TUBE1: variants seen among roughly 807,000 people sequenced by gnomAD.
TUBE1 encodes the protein tubulin epsilon chain.
TUBE1 carries 34 observed loss-of-function variants against 53.5 expected under a neutral mutation model. The observed-to-expected ratio is 0.64, with a 90% CI of 0.48 to 0.85. The LOEUF is 0.85. Ranked by LOEUF, TUBE1 falls within the 40% of genes least tolerant of loss-of-function variation. The probability of loss-of-function intolerance (pLI) is 0.00; values close to 1 mark genes in which losing one functional copy is unlikely to be tolerated. For synonymous variants in TUBE1, 177 were observed against 198.4 expected (o/e 0.89, Z 0.91); for missense variants, 532 against 570.5 (o/e 0.93, Z 0.69).
chr6:112,071,684 G>C (rs1210522175), intron 11 of TUBE1, 114 bp from the exon 12 acceptor site: 3 of 1,022,390 alleles, frequency 2.9e-6, no homozygotes, highest in African/African-American at 3.2e-5. Flanking sequence ...CTCTACATTT[G>C]AAAGAGAACT....
intron 4 of TUBE1, among the ~76,000 whole-genome samples, chr6:112,082,583 C>T (rs911522591): frequency 2.0e-5 from 3 of 152,180 alleles, no homozygotes; most frequent in Admixed American, 2.0e-4. Flanking sequence ...TCATCACTGT[C>T]CTAGTCACTT....
In TUBE1 at chr6:112,071,952, G is replaced by T. The variant is rs140683532; in HGVS notation, c.1219C>A (p.Pro407Thr). The change falls in exon 11 of 12, where the codon CCC (proline) becomes ACC (threonine). Residue 407 changes from proline to threonine, a missense_variant. Transcript: ENST00000368662. ...CTCTCTTTCAGTTCCATGAAGGTGG[G>T]CTTCACACATGTGTTATTTGCTAAA... ...LALANNTCVK[P>T]TFMELKERFM... is the part of the protein sequence containing the mutation. 7 of 1,611,342 alleles carry T rather than the reference G, an allele frequency of 4.3e-6. No homozygotes were observed. The highest frequency in any genetic ancestry group is 5.9e-6 in the Non-Finnish European group (7 of 1,179,242).
chr6:112,080,745 G>GT (rs2114488303), intron 5 of TUBE1, among the ~76,000 whole-genome samples: 2 of 152,110 alleles, frequency 1.3e-5, no homozygotes, highest in Non-Finnish European at 2.9e-5. Context: ...TCTACCAATT[G>GT]TATTACATCT....
At chr6:112,084,303 T>A (rs587741853) in intron 3 of TUBE1, 57 bp from the exon 4 acceptor site, 1 of 1,402,096 alleles carries the variant, frequency 7.1e-7, no homozygotes, top group Non-Finnish European at 1.0e-6. Flanking sequence ...AATAGCACTA[T>A]CAGGTGATAA....
At chr6:112,087,340 G>C (rs782631522) in intron 1 of TUBE1, 34 bp from the exon 2 acceptor site, 1 of 1,551,564 alleles carries the variant, frequency 6.4e-7, no homozygotes, top group African/African-American at 1.4e-5. Context: ...AAGAGAATAG[G>C]ACATTAAGCA....
intron 6 of TUBE1, chr6:112,079,325 T>C (rs587761257): frequency 5.0e-6 from 1 of 199,452 alleles, no homozygotes; most frequent in South Asian, 1.7e-4. Flanking sequence ...AGCTCATACA[T>C]CCTGAAAAGT....
At chr6:112,083,578 A>G (rs1554317028) in intron 4 of TUBE1, among the ~76,000 whole-genome samples, 3 of 152,106 alleles carry the variant, frequency 2.0e-5, no homozygotes, top group African/African-American at 7.2e-5. Context: ...TCGGCCTCCC[A>G]AAGTGCTGGG....
intron 9 of TUBE1, 110 bp downstream of exon 9, chr6:112,074,600 G>T: frequency 1.3e-6 from 1 of 741,174 alleles, no homozygotes; most frequent in Non-Finnish European, 1.9e-6. Context: ...AACTCTCACA[G>T]ATAAGATGAT....
rs782167529 is a variant in TUBE1 at position 112,072,904 on chromosome 6, A to G, written c.954-6T>C. The G allele has an allele frequency of 1.9e-6, 3 of 1,612,124 alleles. No individual in the cohort carries two copies. The highest frequency in any genetic ancestry group is 8.5e-7 in the Non-Finnish European group (1 of 1,179,110). On this transcript the variant is annotated splice_polypyrimidine_tract_variant and splice_region_variant and intron_variant, in intron 9 of 11. Coordinates refer to ENST00000368662, the MANE Select transcript of TUBE1 (RefSeq NM_016262.5). The stretch of plus-strand genomic sequence containing the variant: ...CTGAAAACATCTGATCCAATCTGCA[A>G]CAATGAAATTGTCATTGTTTATACA...
At chr6:112,082,104 C>T (rs1350919822) in intron 4 of TUBE1, among the ~76,000 whole-genome samples, 1 of 152,086 alleles carries the variant, frequency 6.6e-6, no homozygotes, top group Non-Finnish European at 1.5e-5. Context: ...TGAGTTTAAT[C>T]ATGTGTGTAA....
At chr6:112,072,921 G>T in intron 9 of TUBE1, 23 bp from the exon 10 acceptor site, 2 of 1,609,340 alleles carry the variant, frequency 1.2e-6, no homozygotes, top group Non-Finnish European at 1.7e-6. Flanking sequence ...AATTGTCATT[G>T]TTTATACAAA....
chr6:112,081,282 T>G (rs1056963187), intron 4 of TUBE1, 75 bp from the exon 5 acceptor site: 2 of 750,044 alleles, frequency 2.7e-6, no homozygotes, highest in East Asian at 5.5e-5. Flanking sequence ...AAAGAATTTA[T>G]GCGCTGAATA....
Position 112,076,726 on chromosome 6 carries a change from C to T in TUBE1, c.449-217G>A, listed in dbSNP as rs897739420. The T allele has an allele frequency of 7.4e-5, 27 of 362,872 alleles. 1 individual carries two copies. The highest frequency in any genetic ancestry group is 2.0e-4 in the South Asian group (3 of 14,902). 22.5% of individuals were successfully genotyped at this position (362,872 alleles called of 1,614,324 possible). On this transcript the variant is annotated intron_variant, in intron 6 of 11. Transcript: ENST00000368662. ...CTGGGACCGCAGGCATGAGCCACCA[C>T]GCCTGGCTAACTTTTTAATTTGTGT...
chr6:112,087,039 C>T (rs1469029040), intron 2 of TUBE1, 194 bp downstream of exon 2: 3 of 594,678 alleles, frequency 5.0e-6, no homozygotes, highest in Non-Finnish European at 8.9e-6. Flanking sequence ...AACGTTAAGA[C>T]TAAGGTCGCT....
intron 3 of TUBE1, 143 bp downstream of exon 3, chr6:112,086,413 C>G: frequency 2.0e-6 from 1 of 499,256 alleles, no homozygotes; most frequent in Non-Finnish European, 3.5e-6. Context: ...TATTAATAAT[C>G]TAATAGAATA....
intron 7 of TUBE1, 96 bp from the exon 8 acceptor site, chr6:112,076,208 T>C (rs1776965246): frequency 6.8e-7 from 1 of 1,478,122 alleles, no homozygotes. Flanking sequence ...TTTAAACTGA[T>C]TTTTTCTCTA....
At position 112,084,205 on chromosome 6, in the gene TUBE1, C is replaced by T; in HGVS notation, c.194G>A (p.Cys65Tyr). The change falls in exon 4 of 12, where the codon TGT (cysteine) becomes TAT (tyrosine). Residue 65 changes from cysteine (C) to tyrosine (Y), a missense_variant. Coordinates refer to ENST00000368662, the MANE Select transcript of TUBE1 (RefSeq NM_016262.5). Reference protein sequence around the residue: ...DGGSISKGKICSLKARAVLID... With the variant: ...DGGSISKGKIYSLKARAVLID... ...GTATCTTACTCGTGCTTTTAAAGAA[C>T]ATATTTTTCCCTTGGAAATACTTCC... The T allele has an allele frequency of 6.2e-7, 1 of 1,612,456 alleles. No homozygotes were observed. The highest frequency in any genetic ancestry group is 8.5e-7 in the Non-Finnish European group (1 of 1,178,706).
At chr6:112,081,282 T>C (rs1056963187) in intron 4 of TUBE1, 75 bp from the exon 5 acceptor site, 15 of 749,926 alleles carry the variant, frequency 2.0e-5, no homozygotes, top group South Asian at 7.0e-5. Context: ...AAAGAATTTA[T>C]GCGCTGAATA....
intron 3 of TUBE1, among the ~76,000 whole-genome samples, chr6:112,086,177 ACAATC>A (rs1777153023): frequency 6.6e-6 from 1 of 152,230 alleles, no homozygotes; most frequent in African/African-American, 2.4e-5. Context: ...ATAAACAAAA[ACAATC>A]CAACAACTGC....
Sources: gnomAD v4.1 joint callset for allele counts (sites outside exome capture counted in the v4.1 genomes callset) on GRCh38, gnomAD v4.1.1 for gene constraint, MANE v1.5 for transcripts, NCBI Gene and HGNC (gene_info 2026-07-23, HGNC 2026-07-21) for gene names.